The following KMO variants were observed in gnomAD, a reference collection of about 807,000 sequenced individuals.
The protein encoded by KMO is kynurenine 3-hydroxylase.
Under a neutral mutation model 57.8 loss-of-function variants are expected in KMO, and 24 were observed. The observed-to-expected ratio is 0.42, with a 90% CI of 0.30 to 0.58. The LOEUF is 0.58. KMO is among the 20% of genes least tolerant of loss of function. The pLI is 0.22. For missense variants in KMO, 483 were observed against 588.2 expected, an observed-to-expected ratio of 0.82 and a Z score of 1.85; for synonymous variants, 210 against 193.6, an observed-to-expected ratio of 1.08 and a Z score of -0.70.
chr1:241,590,326 AT>A, intron 14 of KMO, 63 bp downstream of exon 14: 1 of 1,293,656 alleles, frequency 7.7e-7, no homozygotes, highest in Non-Finnish European at 1.1e-6. Context: ...TAGTATTATG[AT>A]TATGTTTGTT....
intron 8 of KMO, among the ~76,000 whole-genome samples, chr1:241,565,587 G>A (rs1395765169): frequency 6.7e-6 from 1 of 149,500 alleles, no homozygotes; most frequent in Non-Finnish European, 1.5e-5. Flanking sequence ...AAAATGCCAG[G>A]CATGGTGACA....
At chr1:241,565,661 C>T (rs530726112) in intron 8 of KMO, among the ~76,000 whole-genome samples, 1 of 151,728 alleles carries the variant, frequency 6.6e-6, no homozygotes, top group East Asian at 2.0e-4. Context: ...AAGATGGAGG[C>T]TGCAGTAAGC....
chr1:241,591,751 G>T (rs1573945049), intron 14 of KMO, among the ~76,000 whole-genome samples: 1 of 152,288 alleles, frequency 6.6e-6, no homozygotes, highest in East Asian at 1.9e-4. Context: ...AGTTTCCTGG[G>T]AGAGAGGGAG....
chr1:241,567,005 G>A (rs1056186093), intron 9 of KMO, among the ~76,000 whole-genome samples: 3 of 152,200 alleles, frequency 2.0e-5, no homozygotes, highest in Non-Finnish European at 4.4e-5. Flanking sequence ...AGACACGTAA[G>A]CTTTCCCATA....
intron 10 of KMO, among the ~76,000 whole-genome samples, chr1:241,571,933 C>A (rs1028411369): frequency 3.9e-5 from 5 of 126,814 alleles, no homozygotes; most frequent in Non-Finnish European, 7.9e-5. Flanking sequence ...GTGGTGCAAT[C>A]TCTGCCGACT....
chr1:241,534,793 A>G (rs144051467), intron 1 of KMO, among the ~76,000 whole-genome samples: 165 of 152,334 alleles, frequency 1.1e-3, no homozygotes, highest in African/African-American at 3.9e-3. Flanking sequence ...GAGTCTGATC[A>G]TTATCATCCC....
At position 241,594,868 on chromosome 1, in the gene KMO, T is replaced by A; in HGVS notation, c.*2715T>A. 1.6e-6 allele frequency: 1 copy of A among 635,578 alleles called. No individual in the cohort carries two copies. Among genetic ancestry groups the A allele is most frequent in the Non-Finnish European group, 2.7e-6 (1 of 372,848 alleles). 39.4% of individuals were successfully genotyped at this position (635,578 alleles called of 1,614,324 possible). A position where few individuals can be genotyped will look rare whatever the true frequency, so the allele number is the denominator to read the frequency against. On this transcript the variant is annotated 3_prime_UTR_variant, in exon 15 of 15. Transcript: ENST00000366559. The stretch of plus-strand genomic sequence containing the variant: ...CTAAATCACCCCAGAGCTTTATGTC[T>A]TTTATTCATTCTAATTCTTATTAAC...
chr1:241,557,050 G>A (rs1049145670), intron 5 of KMO, among the ~76,000 whole-genome samples: 6 of 151,994 alleles, frequency 3.9e-5, no homozygotes, highest in East Asian at 1.9e-4. Flanking sequence ...TGGCTGGAGA[G>A]TAGAGTGTAG....
chr1:241,571,791 G>C (rs898993024), intron 10 of KMO, among the ~76,000 whole-genome samples: 2 of 151,446 alleles, frequency 1.3e-5, no homozygotes, highest in Admixed American at 6.6e-5. Flanking sequence ...GGTAAGGCTG[G>C]CCTCTTAGAA....
chr1:241,586,471 A>G, intron 10 of KMO: 1 of 503,668 alleles, frequency 2.0e-6, no homozygotes, highest in South Asian at 2.0e-5. Flanking sequence ...AAGTGCTGGG[A>G]TTACAGGTGT....
chr1:241,565,752 C>T (rs1395802401), intron 8 of KMO, among the ~76,000 whole-genome samples: 2 of 152,164 alleles, frequency 1.3e-5, no homozygotes, highest in East Asian at 3.9e-4. Context: ...GCTTTTCTTT[C>T]ATTAGACCCT....
chr1:241,587,751 C>CTTT (rs11409165), intron 11 of KMO, among the ~76,000 whole-genome samples: 1 of 146,578 alleles, frequency 6.8e-6, no homozygotes, highest in African/African-American at 2.5e-5. Flanking sequence ...GCATAAATTC[C>CTTT]TTTTTTTTTT....
intron 6 of KMO, among the ~76,000 whole-genome samples, chr1:241,561,121 G>T (rs1661819197): frequency 1.3e-5 from 2 of 151,996 alleles, no homozygotes; most frequent in Non-Finnish European, 2.9e-5. Flanking sequence ...TTCCTCTAAG[G>T]TTCCAAGCCT....
At position 241,592,228 on chromosome 1, in the gene KMO, C is replaced by A; in HGVS notation, c.*75C>A. ...AAGCATGAAAAAAATGTTTCCATTG[C>A]CATATTTGATTCACTAGTGGAAGAT... On this transcript the variant is annotated 3_prime_UTR_variant, in exon 15 of 15. Coordinates refer to ENST00000366559, the MANE Select transcript of KMO (RefSeq NM_003679.5). 1 of 1,088,144 alleles carries A rather than the reference C, an allele frequency of 9.2e-7. No individual in the cohort carries two copies. Among genetic ancestry groups the A allele is most frequent in the Non-Finnish European group, 1.4e-6 (1 of 733,810 alleles). 67.4% of individuals were successfully genotyped at this position (1,088,144 alleles called of 1,614,324 possible).
intron 11 of KMO, among the ~76,000 whole-genome samples, chr1:241,587,814 G>T (rs987690856): frequency 1.0e-4 from 15 of 149,526 alleles, no homozygotes; most frequent in African/African-American, 3.7e-4. Flanking sequence ...GAGGCATTTT[G>T]TTCCCGCCCT....
chr1:241,537,875 G>T (rs1174410351), intron 1 of KMO, among the ~76,000 whole-genome samples: 1 of 152,088 alleles, frequency 6.6e-6, no homozygotes, highest in Non-Finnish European at 1.5e-5. Flanking sequence ...CAACACATGA[G>T]GATTATGGAA....
At chr1:241,560,579 C>A in intron 5 of KMO, 86 bp from the exon 6 acceptor site, 1 of 969,054 alleles carries the variant, frequency 1.0e-6, no homozygotes, top group Non-Finnish European at 1.7e-6. Flanking sequence ...CATACTGTTC[C>A]CAGAAAACAA....
chr1:241,536,460 C>A (rs887897389), intron 1 of KMO: 69 of 971,850 alleles, frequency 7.1e-5, no homozygotes, highest in Non-Finnish European at 8.4e-5. Flanking sequence ...TAACTGTTTT[C>A]AGTGTTTACA....
chr1:241,586,828 A>ATCAT, intron 11 of KMO, 92 bp downstream of exon 11: 2 of 840,132 alleles, frequency 2.4e-6, no homozygotes, highest in Non-Finnish European at 3.9e-6. Context: ...CAAACCTGTG[A>ATCAT]TGTATAATGT....
Sources: allele counts gnomAD v4.1 joint callset (sites outside exome capture counted in the v4.1 genomes callset), GRCh38; gene constraint gnomAD v4.1.1; transcripts MANE v1.5; gene names NCBI Gene and HGNC (gene_info 2026-07-23, HGNC 2026-07-21).